DYSF: variants seen among roughly 807,000 people sequenced by gnomAD.
The protein encoded by DYSF is dystrophy-associated fer-1-like 1.
DYSF carries 212 observed loss-of-function variants against 274.9 expected under a neutral mutation model. The observed-to-expected ratio is 0.77, with a 90% CI of 0.69 to 0.86. The LOEUF is 0.86. Among genes scored for constraint, DYSF ranks in the 40% least tolerant of loss-of-function variants. The pLI, the probability that DYSF is intolerant of heterozygous loss-of-function variation, is 0.00. For missense variants in DYSF, 2,666 were observed against 2,783.2 expected, an observed-to-expected ratio of 0.96 and a Z score of 0.95; for synonymous variants, 1,091 against 1,078.7, an observed-to-expected ratio of 1.01 and a Z score of -0.22.
chr2:71,659,909 A>G (rs1039538286), intron 44 of DYSF, among the ~76,000 whole-genome samples: 2 of 152,258 alleles, frequency 1.3e-5, no homozygotes, highest in Non-Finnish European at 2.9e-5. Context: ...TAGGCCCAGC[A>G]TGTGTCCTTC....
intron 14 of DYSF, 94 bp downstream of exon 14, chr2:71,528,495 C>T (rs900990519): frequency 6.0e-5 from 63 of 1,058,140 alleles, no homozygotes; most frequent in Non-Finnish European, 8.4e-5. Context: ...AGTGAGATGC[C>T]CCCACCAGAG....
intron 17 of DYSF, among the ~76,000 whole-genome samples, chr2:71,549,742 C>A (rs2090792206): frequency 6.6e-6 from 1 of 151,922 alleles, no homozygotes. Flanking sequence ...GTTTCAGGGG[C>A]CAGGAGGAGG....
At chr2:71,504,741 C>T (rs1207418689) in intron 4 of DYSF, among the ~76,000 whole-genome samples, 1 of 152,232 alleles carries the variant, frequency 6.6e-6, no homozygotes, top group Non-Finnish European at 1.5e-5. Context: ...TGTTTCCTGC[C>T]CTTCGGTCCC....
chr2:71,669,811 C>T (rs1316257564), intron 51 of DYSF, 65 bp downstream of exon 51: 4 of 1,605,680 alleles, frequency 2.5e-6, no homozygotes, highest in South Asian at 1.1e-5. Flanking sequence ...CTGACCTGAC[C>T]ACCACGTCCC....
chr2:71,462,179 G>A (rs1203231852), upstream of DYSF, among the ~76,000 whole-genome samples: 1 of 152,228 alleles, frequency 6.6e-6, no homozygotes, highest in Non-Finnish European at 1.5e-5. Context: ...GCCAGGCACT[G>A]AACAGCAAGG....
At chr2:71,496,018 A>G (rs2084352617) in intron 3 of DYSF, among the ~76,000 whole-genome samples, 2 of 151,550 alleles carry the variant, frequency 1.3e-5, no homozygotes, top group Non-Finnish European at 2.9e-5. Context: ...CTGCACCCTC[A>G]GTGCACCCTT....
At chr2:71,502,124 T>C (rs1225735257) in intron 3 of DYSF, among the ~76,000 whole-genome samples, 3 of 147,804 alleles carry the variant, frequency 2.0e-5, no homozygotes, top group Non-Finnish European at 1.5e-5. Context: ...TGTGTGTGTT[T>C]ATAATAGCCA....
chr2:71,602,699 A>G, intron 35 of DYSF, 77 bp from the exon 36 acceptor site: 3 of 1,525,478 alleles, frequency 2.0e-6, no homozygotes, highest in South Asian at 1.2e-5. Context: ...GCGCCTTGAT[A>G]CTAATAGAGA....
chr2:71,625,433 T>G (rs199601070), intron 41 of DYSF, among the ~76,000 whole-genome samples: 1 of 152,172 alleles, frequency 6.6e-6, no homozygotes, highest in East Asian at 1.9e-4. Context: ...TGATCTGTGC[T>G]TTCTCATTGA....
intron 40 of DYSF, among the ~76,000 whole-genome samples, chr2:71,618,320 G>GGA (rs1190306911): frequency 1.4e-5 from 1 of 69,704 alleles, no homozygotes; most frequent in Non-Finnish European, 2.7e-5. Context: ...GTGTGTGTGT[G>GGA]GTAGAGATGG....
At chr2:71,555,403 G>A (rs2091268390) in intron 21 of DYSF, among the ~76,000 whole-genome samples, 2 of 152,184 alleles carry the variant, frequency 1.3e-5, no homozygotes, top group Admixed American at 6.5e-5. Flanking sequence ...CAGGGCTGAG[G>A]ACCCATGGAG....
chr2:71,553,752 A>G, intron 20 of DYSF, 55 bp from the exon 21 acceptor site: 1 of 267,802 alleles, frequency 3.7e-6, no homozygotes, highest in Non-Finnish European at 6.7e-6. Context: ...TTAGCACCCC[A>G]TCCCACCCGC....
intron 22 of DYSF, among the ~76,000 whole-genome samples, chr2:71,557,135 T>C (rs2091396673): frequency 6.6e-6 from 1 of 152,206 alleles, no homozygotes. Context: ...CAGAGCATAC[T>C]GACAAAGGTA....
intron 34 of DYSF, 177 bp from the exon 35 acceptor site, chr2:71,601,321 TG>T: frequency 1.3e-6 from 1 of 799,370 alleles, no homozygotes; most frequent in Non-Finnish European, 2.1e-6. Flanking sequence ...AGGGCTGCTC[TG>T]GGTGAAGTGT....
At chr2:71,634,468 A>G (rs1415647391) in intron 41 of DYSF, among the ~76,000 whole-genome samples, 1 of 152,158 alleles carries the variant, frequency 6.6e-6, no homozygotes, top group African/African-American at 2.4e-5. Context: ...GGCTGTGCTA[A>G]CTTATTCCTG....
chr2:71,563,675 C>T (rs1399233393), intron 23 of DYSF, among the ~76,000 whole-genome samples: 1 of 152,184 alleles, frequency 6.6e-6, no homozygotes, highest in Non-Finnish European at 1.5e-5. Flanking sequence ...GTAATGTTAC[C>T]TCCCTGGTCA....
chr2:71,667,889 C>A (rs1241920461), intron 48 of DYSF, among the ~76,000 whole-genome samples: 1 of 152,178 alleles, frequency 6.6e-6, no homozygotes, highest in Non-Finnish European at 1.5e-5. Context: ...CGGCCCTGTG[C>A]TGGGTGGCTG....
At chr2:71,670,582 C>G (rs2095102209) in intron 51 of DYSF, among the ~76,000 whole-genome samples, 1 of 152,226 alleles carries the variant, frequency 6.6e-6, no homozygotes, top group South Asian at 2.1e-4. Flanking sequence ...CCAAAGGCAC[C>G]TAGGGAGACC....
chr2:71,490,827 C>A (rs1367823820), intron 3 of DYSF, among the ~76,000 whole-genome samples: 1 of 152,176 alleles, frequency 6.6e-6, no homozygotes, highest in Non-Finnish European at 1.5e-5. Context: ...GGTATGTGTG[C>A]ACCGTAATTT....
Sources: allele counts gnomAD v4.1 joint callset (sites outside exome capture counted in the v4.1 genomes callset), GRCh38; gene constraint gnomAD v4.1.1; transcripts MANE v1.5; gene names NCBI Gene and HGNC (gene_info 2026-07-23, HGNC 2026-07-21).